Variants in MAP2K4 observed in about 807,000 individuals in gnomAD.
The protein encoded by MAP2K4 is dual specificity mitogen-activated protein kinase kinase 4.
Under a neutral mutation model 48.5 loss-of-function variants are expected in MAP2K4, and 4 were observed. That is an observed-to-expected ratio of 0.08 (90% CI 0.04 to 0.19). The LOEUF is 0.19. Among genes scored for constraint, MAP2K4 ranks in the 10% least tolerant of loss-of-function variants. The pLI is 1.00. For synonymous variants in MAP2K4, 166 were observed against 173.1 expected, an observed-to-expected ratio of 0.96 and a Z score of 0.32; for missense variants, 258 against 493.3, an observed-to-expected ratio of 0.52 and a Z score of 4.52.
At chr17:12,021,167 G>A (rs547490088) in intron 1 of MAP2K4, among the ~76,000 whole-genome samples, 166 bp downstream of exon 1, 17 of 151,674 alleles carry the variant, frequency 1.1e-4, no homozygotes, top group South Asian at 4.1e-4. Flanking sequence ...GGCCGCCTCC[G>A]GCCCGGCTTG....
At chr17:12,087,732 A>T (rs558104648) in intron 3 of MAP2K4, among the ~76,000 whole-genome samples, 2 of 152,272 alleles carry the variant, frequency 1.3e-5, no homozygotes, top group South Asian at 4.1e-4. Flanking sequence ...TTCTGCCCGT[A>T]GTAAAATCAT....
intron 2 of MAP2K4, among the ~76,000 whole-genome samples, chr17:12,080,633 T>C (rs1457733643): frequency 6.6e-6 from 1 of 152,166 alleles, no homozygotes; most frequent in African/African-American, 2.4e-5. Flanking sequence ...CAATTTTGAA[T>C]AGCACATGGC....
intron 9 of MAP2K4, among the ~76,000 whole-genome samples, chr17:12,134,757 G>C (rs1013607884): frequency 8.5e-5 from 13 of 152,112 alleles, no homozygotes; most frequent in African/African-American, 2.9e-4. Context: ...GCACACAAAT[G>C]TACACAAAAC....
intron 6 of MAP2K4, 33 bp downstream of exon 6, chr17:12,110,459 A>G (rs755887292): frequency 6.7e-6 from 10 of 1,497,610 alleles, no homozygotes; most frequent in Middle Eastern, 1.7e-4. Flanking sequence ...TGTAATAGAA[A>G]TTAACTTTTT....
Position 12,073,275 on chromosome 17 carries a change from G to A in MAP2K4, c.219-8081G>A, listed in dbSNP as rs1177405984. On this transcript the variant is annotated intron_variant, in intron 2 of 10. Coordinates refer to ENST00000353533, the MANE Select transcript of MAP2K4 (RefSeq NM_003010.4). ...AAAACTGGGGAGAGATGGGAAGAGG[G>A]AGGATGCTGATGAATTTTATCTGGG... Among the ~76,000 whole-genome samples the A allele has an allele frequency of 2.0e-5, 3 of 152,328 alleles. No individual in the cohort carries two copies. The East Asian group carries it at 5.8e-4, about 29-fold the overall frequency.
intron 3 of MAP2K4, among the ~76,000 whole-genome samples, chr17:12,091,688 A>T (rs1044524765): frequency 6.6e-6 from 1 of 151,978 alleles, no homozygotes; most frequent in Non-Finnish European, 1.5e-5. Context: ...GGCATTTCTG[A>T]CCTGTATCTA....
intron 1 of MAP2K4, chr17:12,036,377 A>G (rs556275060): frequency 6.6e-6 from 1 of 152,356 alleles, no homozygotes; most frequent in East Asian, 1.9e-4. Flanking sequence ...AGGTATTTAT[A>G]TAATTTATGA....
Position 12,021,012 on chromosome 17 carries a change from C to T in MAP2K4, c.115+11C>T. ...TCAGCAGCATGCAGGGTAAGGAACG[C>T]GGCCGCGCCGAGATCCCAGCCCCCT... On this transcript the variant is annotated intron_variant, in intron 1 of 10. Transcript: ENST00000353533. 1.7e-6 allele frequency: 2 copies of T among 1,203,096 alleles called. No individual in the cohort carries two copies. The highest frequency in any genetic ancestry group is 4.2e-5 in the South Asian group (1 of 24,034). The allele number at this position is 1,203,096 out of a possible 1,614,324, so 74.5% of individuals were successfully genotyped here.
rs184429374 is a variant in MAP2K4 at position 12,132,569 on chromosome 17, G to A, written c.1040+3282G>A. On this transcript the variant is annotated intron_variant, in intron 9 of 10. Transcript: ENST00000353533. ...CTTTTTAGTTCTGCACTTAGGAGTTGTGTTTTCTGTATGTCTGCTTCGATT... is the reference window on the plus strand; with the variant it reads ...CTTTTTAGTTCTGCACTTAGGAGTTATGTTTTCTGTATGTCTGCTTCGATT... Among the ~76,000 whole-genome samples, 5 of 151,470 alleles carry A rather than the reference G, an allele frequency of 3.3e-5. No individual in the cohort carries two copies. In the East Asian group the frequency reaches 7.8e-4, roughly 24 times the overall value.
chr17:12,102,485 GTTTTC>G (rs1971966645), intron 4 of MAP2K4, among the ~76,000 whole-genome samples: 1 of 151,986 alleles, frequency 6.6e-6, no homozygotes, highest in African/African-American at 2.4e-5. Flanking sequence ...TTGATGTATA[GTTTTC>G]TTTTCTTATT....
At chr17:12,051,183 A>G (rs1382010779) in intron 1 of MAP2K4, among the ~76,000 whole-genome samples, 1 of 152,196 alleles carries the variant, frequency 6.6e-6, no homozygotes, top group Non-Finnish European at 1.5e-5. Flanking sequence ...TCTTTTAAAC[A>G]AGCCATTGCA....
At chr17:12,028,769 G>C (rs1377491241) in intron 1 of MAP2K4, among the ~76,000 whole-genome samples, 3 of 152,140 alleles carry the variant, frequency 2.0e-5, no homozygotes, top group Non-Finnish European at 4.4e-5. Context: ...CAACTACTGA[G>C]GAGATAGGAA....
In MAP2K4 at chr17:12,020,902, C is replaced by A; in HGVS notation, c.16C>A (p.Pro6Thr). The A allele has an allele frequency of 1.6e-6, 2 of 1,216,420 alleles. No homozygotes were observed. Among genetic ancestry groups the A allele is most frequent in the Non-Finnish European group, 2.0e-6 (2 of 977,894 alleles). 75.4% of individuals were successfully genotyped at this position (1,216,420 alleles called of 1,614,324 possible). MAAPS[P>T]SGGGGSGGGS... is the part of the protein sequence containing the mutation. ...ACTCCCAACAATGGCGGCTCCGAGC[C>A]CGAGCGGCGGCGGCGGCTCCGGGGG... Residue 6 changes from proline to threonine, a missense_variant, in exon 1 of 11, where the codon CCG becomes ACG. Physicochemically the swap from Pro to Thr is conservative, Grantham distance 38. Around this residue, in one of 3 missense-constraint regions of MAP2K4, gnomAD observed 69 missense variants for 56.2 expected, o/e 1.23. Coordinates refer to ENST00000353533, the MANE Select transcript of MAP2K4 (RefSeq NM_003010.4).
At chr17:12,108,418 A>G (rs1972195140) in intron 5 of MAP2K4, among the ~76,000 whole-genome samples, 2 of 152,094 alleles carry the variant, frequency 1.3e-5, no homozygotes, top group Non-Finnish European at 2.9e-5. Context: ...TTTGACTAGC[A>G]GTTTCAGGGG....
chr17:12,086,650 A>G (rs1165908976), intron 3 of MAP2K4, among the ~76,000 whole-genome samples: 2 of 152,190 alleles, frequency 1.3e-5, no homozygotes, highest in African/African-American at 2.4e-5. Flanking sequence ...TAATAGGGGT[A>G]CAATTAAGAC....
At chr17:12,120,237 GA>G (rs1248163836) in intron 7 of MAP2K4, among the ~76,000 whole-genome samples, 1 of 152,054 alleles carries the variant, frequency 6.6e-6, no homozygotes, top group African/African-American at 2.4e-5. Context: ...AAGGTAGGCG[GA>G]TCACTTGAAG....
At chr17:12,026,405 G>A (rs1969253090) in intron 1 of MAP2K4, among the ~76,000 whole-genome samples, 1 of 152,124 alleles carries the variant, frequency 6.6e-6, no homozygotes, top group African/African-American at 2.4e-5. Flanking sequence ...TAGTCTCTAG[G>A]AAGTGCAGAT....
chr17:12,098,924 G>A (rs1971844630), intron 4 of MAP2K4, among the ~76,000 whole-genome samples: 1 of 151,876 alleles, frequency 6.6e-6, no homozygotes, highest in Admixed American at 6.6e-5. Context: ...AAATTTAAGG[G>A]GTACAAGTGC....
At chr17:12,044,661 A>G (rs1367658292) in intron 1 of MAP2K4, among the ~76,000 whole-genome samples, 2 of 152,212 alleles carry the variant, frequency 1.3e-5, no homozygotes, top group Non-Finnish European at 2.9e-5. Context: ...CTTCTGCAGC[A>G]CATACCAGCT....
Sources: allele counts gnomAD v4.1 joint callset (sites outside exome capture counted in the v4.1 genomes callset), GRCh38; gene constraint gnomAD v4.1.1; regional missense constraint gnomAD v4.1.1; transcripts MANE v1.5; gene names NCBI Gene and HGNC (gene_info 2026-07-23, HGNC 2026-07-21).